The following KNTC1 variants were observed in gnomAD, a reference collection of about 807,000 sequenced individuals.
KNTC1 encodes the protein kinetochore associated 1, also known as kinetochore-associated protein 1.
KNTC1 carries 253 observed loss-of-function variants against 314.4 expected under a neutral mutation model. The ratio of observed to expected loss-of-function variants is 0.80; its 90% CI spans 0.73 to 0.89. KNTC1 has a LOEUF of 0.89. Among genes scored for constraint, KNTC1 ranks in the 40% least tolerant of loss-of-function variants. KNTC1 has a pLI of 0.00. For synonymous variants in KNTC1, 901 were observed against 901.4 expected, an observed-to-expected ratio of 1.00 and a Z score of 0.01; for missense variants, 2,475 against 2,572.9, an observed-to-expected ratio of 0.96 and a Z score of 0.82.
chr12:122,600,650 T>G (rs1263649304), intron 44 of KNTC1, among the ~76,000 whole-genome samples: 1 of 152,074 alleles, frequency 6.6e-6, no homozygotes, highest in African/African-American at 2.4e-5. Context: ...TCTATGCTTT[T>G]AGTATCTTAA....
intron 3 of KNTC1, among the ~76,000 whole-genome samples, chr12:122,535,317 A>G (rs1309532912): frequency 6.6e-6 from 1 of 152,128 alleles, no homozygotes; most frequent in Non-Finnish European, 1.5e-5. Context: ...TGCGGTCAGG[A>G]GTTCAAGACC....
chr12:122,531,226 G>A (rs1003754195), intron 2 of KNTC1, among the ~76,000 whole-genome samples: 1 of 152,010 alleles, frequency 6.6e-6, no homozygotes, highest in Non-Finnish European at 1.5e-5. Context: ...CTTTAAGCTG[G>A]TGTCTGTGGA....
At chr12:122,529,509 C>T (rs538082640) in intron 1 of KNTC1, among the ~76,000 whole-genome samples, 1 of 151,950 alleles carries the variant, frequency 6.6e-6, no homozygotes, top group Non-Finnish European at 1.5e-5. Context: ...TTTCTCCTCC[C>T]CTTATCATTT....
At position 122,575,850 on chromosome 12, in the gene KNTC1, TACGA is replaced by T. The variant is rs1205604065; in HGVS notation, c.2538_2541del (p.Arg847AlafsTer4). On this transcript the variant is annotated frameshift_variant, in exon 29 of 64. Coordinates refer to ENST00000333479, the MANE Select transcript of KNTC1 (RefSeq NM_014708.6). LOFTEE classifies it high-confidence loss of function. The stretch of plus-strand genomic sequence containing the variant: ...AAACTAATGGAGATGAAAAAACTTT[TACGA>T]GGCTATGGAATAAGAGAGGTAAATC... 1 of 1,613,610 alleles carries T rather than the reference TACGA, an allele frequency of 6.2e-7. No individual in the cohort carries two copies. Among genetic ancestry groups the T allele is most frequent in the South Asian group, 1.1e-5 (1 of 90,964 alleles).
chr12:122,580,905 G>T (rs1269200817), intron 33 of KNTC1, among the ~76,000 whole-genome samples: 1 of 151,970 alleles, frequency 6.6e-6, no homozygotes, highest in Non-Finnish European at 1.5e-5. Context: ...GCACTCACCT[G>T]TAGTCCCAGC....
intron 26 of KNTC1, 90 bp downstream of exon 26, chr12:122,573,375 G>A (rs1964819937): frequency 8.4e-7 from 1 of 1,188,844 alleles, no homozygotes; most frequent in East Asian, 2.3e-5. Context: ...AATGTCATAT[G>A]CTTTCTCAGT....
At chr12:122,575,343 ACTCTT>A (rs754604792) in intron 27 of KNTC1, among the ~76,000 whole-genome samples, 195 bp from the exon 28 acceptor site, 1 of 152,082 alleles carries the variant, frequency 6.6e-6, no homozygotes, top group East Asian at 1.9e-4. Flanking sequence ...CAGAAAAAAT[ACTCTT>A]CTGAATTTTT....
chr12:122,605,469 T>C, intron 51 of KNTC1, 54 bp downstream of exon 51: 2 of 820,166 alleles, frequency 2.4e-6, no homozygotes, highest in Non-Finnish European at 4.0e-6. Context: ...TGATGGCTTC[T>C]TCTCAAAGGC....
rs746996564 is a variant in KNTC1 at position 122,621,809 on chromosome 12, C to T, written c.6280-72C>T. ...TTTGGCACTTAGAAGAGCAAAATAC[C>T]TGATCAACGGCTCTTGCTGTTGGAA... On this transcript the variant is annotated intron_variant, in intron 60 of 63. Transcript: ENST00000333479. The T allele has an allele frequency of 6.2e-4, 601 of 964,368 alleles. 1 individual carries two copies. The highest frequency in any genetic ancestry group is 1.5e-3 in the Middle Eastern group (7 of 4,678). 59.7% of individuals were successfully genotyped at this position (964,368 alleles called of 1,614,324 possible). A position where few individuals can be genotyped will look rare whatever the true frequency, so the allele number is the denominator to read the frequency against.
At position 122,534,649 on chromosome 12, in the gene KNTC1, T is replaced by A. The variant is rs1479113354; in HGVS notation, c.130-15T>A. On this transcript the variant is annotated splice_polypyrimidine_tract_variant and intron_variant, in intron 2 of 63. Transcript: ENST00000333479. ...AAAAATGTTTGAATTTTCATCATGC[T>A]TTTCTCTCCCACAGGCCTCATTAAA... 2.5e-6 allele frequency: 4 copies of A among 1,596,810 alleles called. No homozygotes were observed. Among genetic ancestry groups the A allele is most frequent in the Non-Finnish European group, 2.6e-6 (3 of 1,170,026 alleles).
Position 122,529,583 on chromosome 12 carries a change from C to G in KNTC1, c.-73-408C>G, listed in dbSNP as rs149757926. On this transcript the variant is annotated intron_variant, in intron 1 of 63. Coordinates refer to ENST00000333479, the MANE Select transcript of KNTC1 (RefSeq NM_014708.6). ...ACTTTTTCTGAACTTCATCTGGAAT[C>G]TTATCATCCTATGATATCCCTGACA... 7.4e-4 allele frequency among the ~76,000 whole-genome samples: 112 copies of G among 152,318 alleles called. 2 individuals carry two copies. The East Asian group carries it at 0.017, about 23-fold the overall frequency.
At chr12:122,604,495 A>T in intron 48 of KNTC1, 69 bp from the exon 49 acceptor site, 1 of 948,808 alleles carries the variant, frequency 1.1e-6, no homozygotes, top group Non-Finnish European at 1.5e-6. Flanking sequence ...TTTGACCAAA[A>T]TACATTTTCT....
intron 42 of KNTC1, chr12:122,592,844 G>C (rs1404703675): frequency 6.6e-6 from 1 of 152,270 alleles, no homozygotes; most frequent in East Asian, 1.9e-4. Flanking sequence ...CTTCCACACT[G>C]TGCTTTGTTC....
intron 18 of KNTC1, among the ~76,000 whole-genome samples, chr12:122,558,666 G>C (rs191979361): frequency 6.6e-6 from 1 of 151,656 alleles, no homozygotes; most frequent in Non-Finnish European, 1.5e-5. Context: ...GTCACCTGAG[G>C]TCAGGAGTTC....
chr12:122,528,912 G>A (rs945242610), intron 1 of KNTC1, among the ~76,000 whole-genome samples: 1 of 151,998 alleles, frequency 6.6e-6, no homozygotes, highest in Non-Finnish European at 1.5e-5. Flanking sequence ...GCACGATCTC[G>A]ACTTACTGCA....
At chr12:122,541,306 TTCCTTCCTTCCTTCCTTCCG>T (rs1179662583) in intron 5 of KNTC1, among the ~76,000 whole-genome samples, 2 of 144,826 alleles carry the variant, frequency 1.4e-5, no homozygotes, top group East Asian at 2.0e-4. Context: ...CCTTCCTTCC[TTCCTTCCTTCCTTCCTTCCG>T]TCCTTCCTCT....
At chr12:122,536,368 C>T (rs1367918342) in intron 3 of KNTC1, among the ~76,000 whole-genome samples, 1 of 151,786 alleles carries the variant, frequency 6.6e-6, no homozygotes, top group East Asian at 1.9e-4. Context: ...TCTGGGACTA[C>T]AGGCACCCAT....
intron 16 of KNTC1, among the ~76,000 whole-genome samples, chr12:122,556,009 T>G (rs1481826516): frequency 6.6e-6 from 1 of 152,104 alleles, no homozygotes; most frequent in Non-Finnish European, 1.5e-5. Context: ...TAAAACCTAC[T>G]CTTTTAGCAA....
At chr12:122,618,885 G>A (rs989025135) in intron 59 of KNTC1, among the ~76,000 whole-genome samples, 1 of 151,340 alleles carries the variant, frequency 6.6e-6, no homozygotes, top group African/African-American at 2.4e-5. Flanking sequence ...GGGATTACAG[G>A]CATGAGCCAT....
Sources: gnomAD v4.1 joint callset for allele counts (sites outside exome capture counted in the v4.1 genomes callset) on GRCh38, gnomAD v4.1.1 for gene constraint, MANE v1.5 for transcripts, NCBI Gene and HGNC (gene_info 2026-07-23, HGNC 2026-07-21) for gene names.